SORT1: variants seen among roughly 807,000 people sequenced by gnomAD.
SORT1 encodes the protein sortilin 1, also known as sortilin.
A neutral mutation model predicts 101.7 loss-of-function variants in SORT1; 39 were observed. That is an observed-to-expected ratio of 0.38 (90% CI 0.30 to 0.50). The LOEUF (loss-of-function observed/expected upper bound fraction) is 0.50, where lower values mean the gene tolerates loss of function less well. Among genes scored for constraint, SORT1 ranks in the 20% least tolerant of loss-of-function variants. The probability of loss-of-function intolerance (pLI) is 0.90; values close to 1 mark genes in which losing one functional copy is unlikely to be tolerated. For synonymous variants in SORT1, 396 were observed against 393.7 expected, an observed-to-expected ratio of 1.01 and a Z score of -0.07; for missense variants, 878 against 1,040.4, an observed-to-expected ratio of 0.84 and a Z score of 2.15.
At chr1:109,378,164 G>A (rs961219549) in intron 1 of SORT1, among the ~76,000 whole-genome samples, 3 of 152,062 alleles carry the variant, frequency 2.0e-5, no homozygotes, top group Non-Finnish European at 4.4e-5. Flanking sequence ...TTGAGCCCAG[G>A]AATTCGAAGC....
At chr1:109,381,953 T>G (rs1343259705) in intron 1 of SORT1, among the ~76,000 whole-genome samples, 2 of 150,788 alleles carry the variant, frequency 1.3e-5, no homozygotes, top group Non-Finnish European at 2.9e-5. Flanking sequence ...TTGATAGGGG[T>G]GCACTCTTCT....
intron 3 of SORT1, among the ~76,000 whole-genome samples, chr1:109,357,165 C>T (rs1257518671): frequency 6.6e-6 from 1 of 152,194 alleles, no homozygotes; most frequent in Non-Finnish European, 1.5e-5. Context: ...ACATGCTCTA[C>T]AGGTTTGTTG....
chr1:109,320,690 A>G (rs1418822903), intron 15 of SORT1, among the ~76,000 whole-genome samples: 1 of 152,062 alleles, frequency 6.6e-6, no homozygotes. Context: ...CTAAATCCCC[A>G]TGGCACCTGG....
Position 109,336,352 on chromosome 1 carries a change from T to C in SORT1, c.1265-6A>G, listed in dbSNP as rs774338055. The C allele has an allele frequency of 4.5e-6, 7 of 1,561,202 alleles. No homozygotes were observed. Among genetic ancestry groups the C allele is most frequent in the Non-Finnish European group, 4.4e-6 (5 of 1,131,626 alleles). On this transcript the variant is annotated splice_region_variant and splice_polypyrimidine_tract_variant and intron_variant, in intron 10 of 19. Transcript: ENST00000256637. Reference sequence around the variant, plus strand: ...CATGGTCTGGATAGAATTATCTGAATGGGAAGAGAACAACATTAAGTCTGA... The same window carrying C: ...CATGGTCTGGATAGAATTATCTGAACGGGAAGAGAACAACATTAAGTCTGA...
chr1:109,317,612 C>T lies in SORT1; in HGVS notation c.2141+241G>A, dbSNP rs575890454. ...CGGGAGGCAGGGGTGCAGGATCTGG[C>T]CGAGCTTGTTCTCCTGCTCTGCCTC... On this transcript the variant is annotated intron_variant, in intron 16 of 19. Coordinates refer to ENST00000256637, the MANE Select transcript of SORT1 (RefSeq NM_002959.7). Among the ~76,000 whole-genome samples the T allele has an allele frequency of 2.0e-5, 3 of 152,282 alleles. No individual in the cohort carries two copies. The East Asian group carries it at 5.8e-4, about 29-fold the overall frequency.
intron 3 of SORT1, among the ~76,000 whole-genome samples, chr1:109,356,940 C>T (rs1650363752): frequency 6.6e-6 from 1 of 152,200 alleles, no homozygotes; most frequent in African/African-American, 2.4e-5. Context: ...CTGCTGTGCA[C>T]TGCAAATTTC....
chr1:109,371,131 C>T (rs976497614), intron 1 of SORT1, among the ~76,000 whole-genome samples: 6 of 152,172 alleles, frequency 3.9e-5, no homozygotes, highest in African/African-American at 1.4e-4. Flanking sequence ...GGTCTTGCTC[C>T]GTAAATAATG....
intron 7 of SORT1, among the ~76,000 whole-genome samples, 177 bp downstream of exon 7, chr1:109,347,306 G>A (rs959614857): frequency 6.6e-6 from 1 of 152,200 alleles, no homozygotes; most frequent in South Asian, 2.1e-4. Context: ...ACTTGATCTG[G>A]GTAGTGTAGT....
chr1:109,342,065 T>G lies in SORT1; in HGVS notation c.1057A>C (p.Ile353Leu). Residue 353 changes from isoleucine (I) to leucine (L), a missense_variant, in exon 9 of 20, where the codon ATT (isoleucine) becomes CTT (leucine). Physicochemically the swap from Ile to Leu is conservative, Grantham distance 5. Coordinates refer to ENST00000256637, the MANE Select transcript of SORT1 (RefSeq NM_002959.7). ...ACCATGTCATCATTTGCTGCCAGAA[T>G]AGAATAGAACTGTTCCTGTCCCACG... ...PSVGQEQFYS[I>L]LAANDDMVFM... 1 of 1,613,906 alleles carries G rather than the reference T, an allele frequency of 6.2e-7. No individual in the cohort carries two copies.
intron 12 of SORT1, 117 bp from the exon 13 acceptor site, chr1:109,327,277 T>G: frequency 9.8e-7 from 1 of 1,019,784 alleles, no homozygotes; most frequent in African/African-American, 1.6e-5. Context: ...AAGCCTCTTT[T>G]AGTAGGAAAG....
intron 15 of SORT1, among the ~76,000 whole-genome samples, chr1:109,319,876 AAAAAG>A (rs1553190465): frequency 4.6e-5 from 7 of 152,108 alleles, no homozygotes; most frequent in South Asian, 2.1e-4. Context: ...CAAAAAAAAA[AAAAAG>A]AAAAGAAAAG....
At chr1:109,330,821 G>T (rs1648413197) in intron 11 of SORT1, among the ~76,000 whole-genome samples, 1 of 151,912 alleles carries the variant, frequency 6.6e-6, no homozygotes. Flanking sequence ...GATCCTAAGA[G>T]ACTACTATGA....
At chr1:109,365,582 A>C (rs1651031574) in intron 3 of SORT1, among the ~76,000 whole-genome samples, 1 of 152,222 alleles carries the variant, frequency 6.6e-6, no homozygotes, top group African/African-American at 2.4e-5. Context: ...CAAGATTCTA[A>C]AATATAGTCA....
In SORT1 at chr1:109,324,752, C is replaced by T. The variant is rs918106350; in HGVS notation, c.1834+147G>A. The T allele has an allele frequency of 2.3e-5, 13 of 571,980 alleles. No homozygotes were observed. In the Admixed American group the frequency reaches 3.5e-4, roughly 15 times the overall value. The allele number at this position is 571,980 out of a possible 1,614,324, so 35.4% of individuals were successfully genotyped here. On this transcript the variant is annotated intron_variant, in intron 14 of 19. Transcript: ENST00000256637. ...TTGTTTTTCTGATGCCATTCCATTA[C>T]TTAATCACCCACACAGAACATCTGT...
At chr1:109,369,693 C>A in intron 1 of SORT1, 104 bp from the exon 2 acceptor site, 1 of 794,216 alleles carries the variant, frequency 1.3e-6, no homozygotes, top group South Asian at 1.5e-5. Flanking sequence ...TAATTAAGTT[C>A]ATAATTACAA....
intron 1 of SORT1, among the ~76,000 whole-genome samples, chr1:109,379,179 G>A (rs1652068444): frequency 6.6e-6 from 1 of 151,822 alleles, no homozygotes; most frequent in Non-Finnish European, 1.5e-5. Context: ...TTGCTCTAAT[G>A]TAGCATGCCT....
chr1:109,373,901 T>C (rs935934590), intron 1 of SORT1, among the ~76,000 whole-genome samples: 5 of 151,864 alleles, frequency 3.3e-5, no homozygotes, highest in African/African-American at 7.3e-5. Context: ...CTGGGCAATG[T>C]AGCAAGACCC....
intron 1 of SORT1, among the ~76,000 whole-genome samples, chr1:109,374,197 G>T (rs957815155): frequency 6.6e-6 from 1 of 152,076 alleles, no homozygotes; most frequent in African/African-American, 2.4e-5. Context: ...AGTAGATAAG[G>T]ACATTGCAAC....
intron 3 of SORT1, among the ~76,000 whole-genome samples, 187 bp from the exon 4 acceptor site, chr1:109,355,656 C>CCCCCCCCCCCCCCCCCCCCA (rs1321675043): frequency 7.7e-6 from 1 of 129,308 alleles, no homozygotes; most frequent in Non-Finnish European, 1.6e-5. Flanking sequence ...CCCCCCCCCC[C>CCCCCCCCCCCCCCCCCCCCA]ACAAACCCAC....
Sources: allele counts gnomAD v4.1 joint callset (sites outside exome capture counted in the v4.1 genomes callset), GRCh38; gene constraint gnomAD v4.1.1; transcripts MANE v1.5; gene names NCBI Gene and HGNC (gene_info 2026-07-23, HGNC 2026-07-21).